HPS5: variants seen among roughly 807,000 people sequenced by gnomAD.
HPS5 encodes the protein BLOC-2 complex member HPS5.
A neutral mutation model predicts 128.0 loss-of-function variants in HPS5; 83 were observed. The ratio of observed to expected loss-of-function variants is 0.65; its 90% confidence interval spans 0.54 to 0.78. The LOEUF is 0.78. Ranked by LOEUF, HPS5 falls within the 30% of genes least tolerant of loss-of-function variation. The pLI is 0.00. For missense variants in HPS5, 1,281 were observed against 1,326.2 expected, an observed-to-expected ratio of 0.97 and a Z score of 0.53; for synonymous variants, 475 against 470.2, an observed-to-expected ratio of 1.01 and a Z score of -0.13.
chr11:18,320,818 T>C (rs1368619503), intron 1 of HPS5, among the ~76,000 whole-genome samples: 1 of 152,236 alleles, frequency 6.6e-6, no homozygotes, highest in African/African-American at 2.4e-5. Flanking sequence ...ACACTAAGTT[T>C]CTATATTACA....
intron 10 of HPS5, among the ~76,000 whole-genome samples, chr11:18,298,307 C>T (rs928118932): frequency 1.3e-5 from 2 of 151,884 alleles, no homozygotes; most frequent in African/African-American, 4.8e-5. Context: ...GCCTGGCCAA[C>T]ACGGTGAAAC....
chr11:18,280,853 G>A (rs954200568), intron 22 of HPS5, among the ~76,000 whole-genome samples: 2 of 152,198 alleles, frequency 1.3e-5, no homozygotes, highest in African/African-American at 4.8e-5. Context: ...AATAAAAACA[G>A]AAAGTAGAAC....
Position 18,295,048 on chromosome 11 carries a change from C to A in HPS5, c.1756G>T (p.Asp586Tyr), listed in dbSNP as rs765237222. The A allele has an allele frequency of 6.2e-7, 1 of 1,614,148 alleles. No individual in the cohort carries two copies. Among genetic ancestry groups the A allele is most frequent in the Non-Finnish European group, 8.5e-7 (1 of 1,180,024 alleles). Reference sequence around the variant, plus strand: ...GTGTCTTCCTCCTTTGGGCAGGTATCTGAACTCACATCCTCTTCACATGAT... The same window carrying A: ...GTGTCTTCCTCCTTTGGGCAGGTATATGAACTCACATCCTCTTCACATGAT... ...EQSCEEDVSSDTCPKEEDTEE... is the reference protein window; with the variant it reads ...EQSCEEDVSSYTCPKEEDTEE... Residue 586 changes from aspartate to tyrosine, a missense_variant, in exon 14 of 23, where the codon GAT becomes TAT. Physicochemically the swap from Asp to Tyr is radical, Grantham distance 160. Coordinates refer to ENST00000349215, the MANE Select transcript of HPS5 (RefSeq NM_181507.2).
rs1257986001 is a variant in HPS5, at chr11:18,292,951, G to T, written c.1810C>A (p.Pro604Thr). 2 of 1,613,936 alleles carry T rather than the reference G, an allele frequency of 1.2e-6. No homozygotes were observed. The highest frequency in any genetic ancestry group is 1.7e-5 in the Admixed American group (1 of 60,016). Residue 604 changes from proline to threonine, a missense_variant, in exon 15 of 23, where the codon CCT (proline) becomes ACT (threonine). Transcript: ENST00000349215. ...TEEEKEVTSP[P>T]PEEDRFQELK... ...TCCTGGAACCTGTCTTCTTCTGGAG[G>T]TGGACTAGTTACCTCTTTTTCCTCC...
intron 4 of HPS5, 44 bp from the exon 5 acceptor site, chr11:18,310,977 A>C (rs770463806): frequency 9.5e-6 from 14 of 1,480,922 alleles, no homozygotes; most frequent in African/African-American, 1.4e-5. Flanking sequence ...AACAGTGAAC[A>C]AGGTACAATT....
chr11:18,308,860 T>C, intron 6 of HPS5, 86 bp downstream of exon 6: 1 of 1,338,282 alleles, frequency 7.5e-7, no homozygotes, highest in African/African-American at 1.5e-5. Context: ...GTATAACTGA[T>C]TGATGGGGCT....
At chr11:18,295,965 T>C in intron 13 of HPS5, 34 bp downstream of exon 13, 3 of 1,597,812 alleles carry the variant, frequency 1.9e-6, no homozygotes, top group Non-Finnish European at 1.7e-6. Context: ...ATAAGATCAG[T>C]AATGGAATTA....
chr11:18,318,514 G>A (rs552789781), intron 1 of HPS5, among the ~76,000 whole-genome samples: 3 of 152,170 alleles, frequency 2.0e-5, no homozygotes, highest in Non-Finnish European at 2.9e-5. Context: ...AAAGAGACTA[G>A]ATAGGACAGA....
Position 18,296,127 on chromosome 11 carries a change from T to C in HPS5, c.1511-5A>G, listed in dbSNP as rs898926253. 1 of 1,613,076 alleles carries C rather than the reference T, an allele frequency of 6.2e-7. No homozygotes were observed. Among genetic ancestry groups the C allele is most frequent in the Non-Finnish European group, 8.5e-7 (1 of 1,179,170 alleles). On this transcript the variant is annotated splice_region_variant and splice_polypyrimidine_tract_variant and intron_variant, in intron 12 of 22. Coordinates refer to ENST00000349215, the MANE Select transcript of HPS5 (RefSeq NM_181507.2). ...CTGGAGCATGAGAAACATTGTCTAATGAATGGAATCAGGAAAAAAAGAAAC... is the reference window on the plus strand; with the variant it reads ...CTGGAGCATGAGAAACATTGTCTAACGAATGGAATCAGGAAAAAAAGAAAC...
chr11:18,310,678 G>A (rs184599001), intron 5 of HPS5, 63 bp downstream of exon 5: 2 of 1,281,734 alleles, frequency 1.6e-6, no homozygotes, highest in South Asian at 1.3e-5. Context: ...CCTTTAATTG[G>A]AAGTTTTATA....
At chr11:18,285,128 T>C (rs1859536076) in intron 20 of HPS5, among the ~76,000 whole-genome samples, 1 of 148,878 alleles carries the variant, frequency 6.7e-6, no homozygotes. Context: ...GGAGGGGAAT[T>C]AGCTAAGGCT....
chr11:18,297,794 T>A, intron 10 of HPS5, 77 bp from the exon 11 acceptor site: 23 of 1,344,876 alleles, frequency 1.7e-5, no homozygotes, highest in East Asian at 2.4e-5. Context: ...TTGAAAGAGG[T>A]CTAGGCCGGG....
intron 16 of HPS5, 48 bp downstream of exon 16, chr11:18,291,393 TG>T: frequency 8.2e-7 from 1 of 1,225,446 alleles, no homozygotes. Flanking sequence ...AAACTGCTAA[TG>T]TTTTTTAATA....
At position 18,322,106 on chromosome 11, in the gene HPS5, C is replaced by G. The variant is rs1864446715; in HGVS notation, c.-210G>C. ...CAGCTCTCAGTAGATCGGATCTTGT[C>G]TCCCGGCTTAGCGCCGGGGAACTCA... On this transcript the variant is annotated 5_prime_UTR_variant, in exon 1 of 23. Coordinates refer to ENST00000349215, the MANE Select transcript of HPS5 (RefSeq NM_181507.2). The G allele has an allele frequency of 6.6e-6, 1 of 152,490 alleles. No homozygotes were observed. Among genetic ancestry groups the G allele is most frequent in the South Asian group, 2.1e-4 (1 of 4,832 alleles). 9.4% of individuals were successfully genotyped at this position (152,490 alleles called of 1,614,324 possible).
chr11:18,301,692 A>G (rs926710169), intron 8 of HPS5, among the ~76,000 whole-genome samples: 4 of 152,108 alleles, frequency 2.6e-5, no homozygotes, highest in Non-Finnish European at 5.9e-5. Context: ...AAAAGCTGAC[A>G]ACTCCTGCTC....
chr11:18,309,126 A>G (rs1488371341), intron 5 of HPS5, 47 bp from the exon 6 acceptor site: 2 of 1,555,892 alleles, frequency 1.3e-6, no homozygotes, highest in Non-Finnish European at 1.8e-6. Flanking sequence ...ATCATAACAT[A>G]CACATGCAAT....
chr11:18,313,908 G>A (rs532873239), intron 2 of HPS5, among the ~76,000 whole-genome samples: 4 of 86,756 alleles, frequency 4.6e-5, no homozygotes, highest in South Asian at 1.1e-3. Context: ...GCTAGACTCC[G>A]TCTCAAAAAA....
At chr11:18,282,354 A>C in intron 21 of HPS5, 134 bp from the exon 22 acceptor site, 1 of 961,832 alleles carries the variant, frequency 1.0e-6, no homozygotes, top group Non-Finnish European at 1.6e-6. Flanking sequence ...TCACCCTAAC[A>C]CAAGTTGTTT....
In HPS5 at chr11:18,282,143, G is replaced by T. The variant is rs927207558; in HGVS notation, c.3136C>A (p.Gln1046Lys). The change falls in exon 22 of 23, where the codon CAG becomes AAG. Residue 1046 changes from glutamine to lysine, a missense_variant. Physicochemically the swap from Gln to Lys is moderately conservative, Grantham distance 53. Transcript: ENST00000349215. ...CTGAGGCTCCCATTTAGTGACTCCT[G>T]GGGGGCTGGCCTCGTGCTCTTGCTC... Reference protein sequence around the residue: ...IQSKSTRPAPQESLNGSLSDG... With the variant: ...IQSKSTRPAPKESLNGSLSDG... The T allele has an allele frequency of 3.7e-6, 6 of 1,613,958 alleles. No homozygotes were observed. Among genetic ancestry groups the T allele is most frequent in the East Asian group, 2.2e-5 (1 of 44,896 alleles).
Sources: allele counts gnomAD v4.1 joint callset (sites outside exome capture counted in the v4.1 genomes callset), GRCh38; gene constraint gnomAD v4.1.1; transcripts MANE v1.5; gene names NCBI Gene and HGNC (gene_info 2026-07-23, HGNC 2026-07-21).